The following DPP6 variants were observed in gnomAD, a reference collection of about 807,000 sequenced individuals.
The protein encoded by DPP6 is A-type potassium channel modulatory protein DPP6.
In DPP6, 69 loss-of-function variants were observed where a neutral mutation model predicts 122.6. The observed-to-expected ratio is 0.56, with a 90% confidence interval of 0.46 to 0.69. DPP6 has a LOEUF of 0.69. Among genes scored for constraint, DPP6 ranks in the 30% least tolerant of loss-of-function variants. The pLI is 0.00. For synonymous variants in DPP6, 418 were observed against 433.1 expected, an observed-to-expected ratio of 0.97 and a Z score of 0.43; for missense variants, 928 against 1,116.9, an observed-to-expected ratio of 0.83 and a Z score of 2.41.
At chr7:153,965,051 C>T (rs1257123249) in intron 1 of DPP6, among the ~76,000 whole-genome samples, 14 of 142,660 alleles carry the variant, frequency 9.8e-5, no homozygotes, top group Non-Finnish European at 2.1e-4. Flanking sequence ...TCTCAGAATT[C>T]AGACTTTGGT....
At chr7:154,233,793 C>T (rs534497695) in intron 1 of DPP6, among the ~76,000 whole-genome samples, 14 of 152,162 alleles carry the variant, frequency 9.2e-5, no homozygotes, top group African/African-American at 3.4e-4. Flanking sequence ...TTTAAGCCAC[C>T]TGATCTGTAG....
chr7:153,918,838 G>C (rs1340690949), intron 1 of DPP6, among the ~76,000 whole-genome samples: 1 of 151,832 alleles, frequency 6.6e-6, no homozygotes, highest in Non-Finnish European at 1.5e-5. Flanking sequence ...AATTAGCTGG[G>C]CATGGTGGTG....
intron 1 of DPP6, among the ~76,000 whole-genome samples, chr7:153,955,507 C>T (rs6945130): frequency 0.029 from 4,447 of 152,122 alleles, 217 homozygotes; most frequent in African/African-American, 0.1. Flanking sequence ...GGTGCAATCT[C>T]GGCTCACTGC....
intron 7 of DPP6, among the ~76,000 whole-genome samples, chr7:154,714,575 G>A (rs992491778): frequency 2.0e-5 from 3 of 152,094 alleles, no homozygotes; most frequent in African/African-American, 4.8e-5. Flanking sequence ...AAACCATCAG[G>A]TCTTGTGAGA....
At chr7:154,751,676 T>G (rs1843398137) in intron 8 of DPP6, among the ~76,000 whole-genome samples, 2 of 151,706 alleles carry the variant, frequency 1.3e-5, no homozygotes, top group Non-Finnish European at 2.9e-5. Flanking sequence ...TCCTAAGTGC[T>G]GCACCACTAA....
At chr7:154,776,449 G>A (rs186308330) in intron 10 of DPP6, among the ~76,000 whole-genome samples, 3 of 152,206 alleles carry the variant, frequency 2.0e-5, no homozygotes, top group Admixed American at 2.0e-4. Flanking sequence ...TCACATGGCA[G>A]CCCCACCCCG....
intron 7 of DPP6, among the ~76,000 whole-genome samples, chr7:154,713,001 T>A (rs1343566451): frequency 6.6e-6 from 1 of 152,190 alleles, no homozygotes; most frequent in East Asian, 1.9e-4. Flanking sequence ...GCAAGTTAGT[T>A]ACTTCCTAGA....
intron 8 of DPP6, among the ~76,000 whole-genome samples, chr7:154,746,330 T>G (rs1843034728): frequency 6.6e-6 from 1 of 152,144 alleles, no homozygotes; most frequent in Non-Finnish European, 1.5e-5. Context: ...CCCTGCCATA[T>G]AAGAAGAGGG....
At chr7:154,532,884 C>A (rs955793114) in intron 3 of DPP6, among the ~76,000 whole-genome samples, 1 of 152,150 alleles carries the variant, frequency 6.6e-6, no homozygotes, top group African/African-American at 2.4e-5. Context: ...TTCCTCCACA[C>A]TTCTCCCCTA....
chr7:154,689,438 GT>G (rs940368874), intron 7 of DPP6, among the ~76,000 whole-genome samples: 2 of 151,890 alleles, frequency 1.3e-5, no homozygotes, highest in East Asian at 1.9e-4. Context: ...GATCATGTGG[GT>G]TTTTTTTCCT....
At chr7:154,063,600 G>GA (rs1312892879) in intron 1 of DPP6, among the ~76,000 whole-genome samples, 2 of 104,024 alleles carry the variant, frequency 1.9e-5, no homozygotes, top group Non-Finnish European at 1.9e-5. Context: ...CCCCATCGCA[G>GA]TGAGGGAGGC....
Position 154,872,624 on chromosome 7 carries a change from A to G in DPP6, c.1814A>G (p.Asn605Ser). 1.9e-6 allele frequency: 3 copies of G among 1,598,706 alleles called. No individual in the cohort carries two copies. Among genetic ancestry groups the G allele is most frequent in the Non-Finnish European group, 2.6e-6 (3 of 1,173,006 alleles). ...EYRDIEIDDY[N>S]LPMQILKPAT... is the part of the protein sequence containing the mutation. Reference sequence around the variant, plus strand: ...CGTGCTGTGCTCTGCTTCTCCCCAGACCTGCCCATGCAGATACTGAAGCCA... The same window carrying G: ...CGTGCTGTGCTCTGCTTCTCCCCAGGCCTGCCCATGCAGATACTGAAGCCA... Residue 605 changes from asparagine (N) to serine (S), a missense_variant and splice_region_variant, in exon 19 of 26, where the codon AAC becomes AGC. Transcript: ENST00000377770.
At chr7:153,979,739 G>A (rs1414110684) in intron 1 of DPP6, among the ~76,000 whole-genome samples, 2 of 152,152 alleles carry the variant, frequency 1.3e-5, no homozygotes, top group East Asian at 1.9e-4. Context: ...AGTTTATTGA[G>A]TGTTTTTAGC....
At chr7:154,019,285 G>A (rs1464844152) in intron 1 of DPP6, among the ~76,000 whole-genome samples, 2 of 152,042 alleles carry the variant, frequency 1.3e-5, no homozygotes. Context: ...TCTAAAGCCA[G>A]CCTCTCCTTA....
chr7:154,749,190 G>A (rs1405278850), intron 8 of DPP6, among the ~76,000 whole-genome samples: 5 of 145,806 alleles, frequency 3.4e-5, no homozygotes, highest in Non-Finnish European at 7.6e-5. Context: ...GAGAGGGATG[G>A]CGGCTTTACT....
chr7:154,204,561 A>T (rs971693843), intron 1 of DPP6, among the ~76,000 whole-genome samples: 2 of 152,324 alleles, frequency 1.3e-5, no homozygotes, highest in African/African-American at 4.8e-5. Flanking sequence ...AACACACGGC[A>T]AACCTGAGAC....
At chr7:154,797,362 T>C (rs958396839) in intron 12 of DPP6, among the ~76,000 whole-genome samples, 1 of 152,124 alleles carries the variant, frequency 6.6e-6, no homozygotes, top group Non-Finnish European at 1.5e-5. Flanking sequence ...TATGTATGTG[T>C]GTGTGTTATA....
intron 1 of DPP6, among the ~76,000 whole-genome samples, chr7:154,243,076 G>T (rs1563359781): frequency 6.6e-6 from 1 of 152,184 alleles, no homozygotes; most frequent in Non-Finnish European, 1.5e-5. Flanking sequence ...TCATGTCCAT[G>T]AAAGGAAAGA....
intron 5 of DPP6, among the ~76,000 whole-genome samples, chr7:154,616,251 A>G (rs1191943024): frequency 6.6e-6 from 1 of 152,148 alleles, no homozygotes; most frequent in Non-Finnish European, 1.5e-5. Flanking sequence ...TCTGGAGCTG[A>G]TTCACAGCTC....
Sources: gnomAD v4.1 joint callset for allele counts (sites outside exome capture counted in the v4.1 genomes callset) on GRCh38, gnomAD v4.1.1 for gene constraint, MANE v1.5 for transcripts, NCBI Gene and HGNC (gene_info 2026-07-23, HGNC 2026-07-21) for gene names.